Variants in MRPL14 observed in about 807,000 individuals in gnomAD.
The protein encoded by MRPL14 is mitochondrial ribosomal protein L14.
Under a neutral mutation model 10.9 loss-of-function variants are expected in MRPL14, and 8 were observed. That is an observed-to-expected ratio of 0.74 (90% CI 0.43 to 1.33). The LOEUF (loss-of-function observed/expected upper bound fraction) is 1.33. Ranked by LOEUF, MRPL14 falls within the 40% of genes most tolerant of loss-of-function variation. MRPL14 has a pLI of 0.01. For synonymous variants in MRPL14, 82 were observed against 74.1 expected, an observed-to-expected ratio of 1.11 and a Z score of -0.54; for missense variants, 179 against 194.5, an observed-to-expected ratio of 0.92 and a Z score of 0.47.
chr6:44,113,749 G>A lies in MRPL14; in HGVS notation c.*94C>T, dbSNP rs1775560365. On this transcript the variant is annotated 3_prime_UTR_variant, in exon 3 of 3. Coordinates refer to ENST00000372014, the MANE Select transcript of MRPL14 (RefSeq NM_032111.4). ...ACTACACTGTTACCCAGTGTGAAGG[G>A]AGCAGCCATGTGGCTCCCAAGCTCC... is the stretch of plus-strand genomic sequence containing the variant. 1.5e-6 allele frequency: 2 copies of A among 1,340,010 alleles called. No homozygotes were observed. The highest frequency in any genetic ancestry group is 1.0e-6 in the Non-Finnish European group (1 of 980,576). The allele number at this position is 1,340,010 out of a possible 1,614,324, so 83.0% of individuals were successfully genotyped here.
At chr6:44,118,823 G>A (rs760405374) in intron 1 of MRPL14, among the ~76,000 whole-genome samples, 1 of 152,120 alleles carries the variant, frequency 6.6e-6, no homozygotes, top group Non-Finnish European at 1.5e-5. Flanking sequence ...AATTAGCCAG[G>A]CGTGGTGGCA....
chr6:44,114,407 G>C (rs909039626), intron 2 of MRPL14, among the ~76,000 whole-genome samples, 198 bp from the exon 3 acceptor site: 1 of 152,194 alleles, frequency 6.6e-6, no homozygotes, highest in Admixed American at 6.5e-5. Context: ...ACAATTGAGA[G>C]CTTCTGCTGT....
chr6:44,120,201 C>A (rs754247801), intron 1 of MRPL14, among the ~76,000 whole-genome samples: 1 of 152,218 alleles, frequency 6.6e-6, no homozygotes, highest in Non-Finnish European at 1.5e-5. Flanking sequence ...TCAATTGCTA[C>A]CCCTCCTGAA....
intron 1 of MRPL14, among the ~76,000 whole-genome samples, chr6:44,122,089 C>CT (rs35413398): frequency 0.14 from 21,395 of 147,920 alleles, 1,625 homozygotes; most frequent in Admixed American, 0.2. Context: ...TCCCCCCCCT[C>CT]TTTTTTTTTT....
At chr6:44,123,246 C>T (rs1429018682) in intron 1 of MRPL14, among the ~76,000 whole-genome samples, 5 of 152,186 alleles carry the variant, frequency 3.3e-5, no homozygotes, top group African/African-American at 1.2e-4. Flanking sequence ...TTGATTGACT[C>T]GTCCAAGGTT....
At chr6:44,124,527 G>T (rs181692102) in intron 1 of MRPL14, among the ~76,000 whole-genome samples, 2 of 152,330 alleles carry the variant, frequency 1.3e-5, no homozygotes, top group African/African-American at 4.8e-5. Context: ...AGCACCATAG[G>T]TGCCTCTTTA....
chr6:44,114,122 C>T lies in MRPL14; in HGVS notation c.159G>A (p.Arg53=). The T allele has an allele frequency of 5.0e-6, 8 of 1,614,166 alleles. No homozygotes were observed. The highest frequency in any genetic ancestry group is 5.9e-6 in the Non-Finnish European group (7 of 1,180,042). ...NSALGNSPYH[R]APRCIHVYKK... Reference sequence around the variant, plus strand: ...TATAGACATGGATGCAGCGAGGAGCCCGATGGTATGGGCTGTTCCCCAGGG... The same window carrying T: ...TATAGACATGGATGCAGCGAGGAGCTCGATGGTATGGGCTGTTCCCCAGGG... Residue 53 remains arginine (R), a synonymous_variant, in exon 3 of 3, where the codon CGG becomes CGA. Transcript: ENST00000372014.
chr6:44,122,492 C>T (rs763352439), intron 1 of MRPL14, among the ~76,000 whole-genome samples: 1 of 152,148 alleles, frequency 6.6e-6, no homozygotes, highest in Non-Finnish European at 1.5e-5. Flanking sequence ...TTTTGAGGAT[C>T]AGCAAAATAT....
chr6:44,126,602 C>T (rs1381190281), intron 1 of MRPL14, among the ~76,000 whole-genome samples: 1 of 152,220 alleles, frequency 6.6e-6, no homozygotes, highest in Admixed American at 6.5e-5. Flanking sequence ...CTTTTAACCT[C>T]TTTATAAATT....
intron 2 of MRPL14, among the ~76,000 whole-genome samples, chr6:44,114,658 G>C (rs1775665785): frequency 6.6e-6 from 1 of 152,168 alleles, no homozygotes; most frequent in African/African-American, 2.4e-5. Context: ...GCCCAGGCTA[G>C]AGTGCGGTGG....
chr6:44,117,657 C>T (rs902651263), intron 1 of MRPL14, among the ~76,000 whole-genome samples: 1 of 151,952 alleles, frequency 6.6e-6, no homozygotes, highest in Non-Finnish European at 1.5e-5. Flanking sequence ...AATACCTAGA[C>T]ACTCCATACT....
intron 1 of MRPL14, among the ~76,000 whole-genome samples, chr6:44,117,060 A>G (rs751744498): frequency 1.3e-5 from 2 of 151,530 alleles, no homozygotes; most frequent in Non-Finnish European, 2.9e-5. Context: ...ACTCCCTAAA[A>G]GAAAGTAAAT....
chr6:44,123,671 G>A (rs1776661434), intron 1 of MRPL14, among the ~76,000 whole-genome samples: 1 of 152,162 alleles, frequency 6.6e-6, no homozygotes, highest in South Asian at 2.1e-4. Flanking sequence ...TAGGGTTCTT[G>A]TCCTATATTT....
chr6:44,114,352 G>C, intron 2 of MRPL14, 143 bp from the exon 3 acceptor site: 1 of 989,370 alleles, frequency 1.0e-6, no homozygotes, highest in Non-Finnish European at 1.5e-6. Context: ...GCAACAGAAA[G>C]TCAGGACTTT....
intron 1 of MRPL14, among the ~76,000 whole-genome samples, chr6:44,121,757 T>C (rs138539020): frequency 0.013 from 1,927 of 152,236 alleles, 21 homozygotes; most frequent in Non-Finnish European, 0.019. Flanking sequence ...CTGACCAACA[T>C]AGTGAAACCC....
At chr6:44,117,640 C>A (rs1172484529) in intron 1 of MRPL14, among the ~76,000 whole-genome samples, 1 of 152,122 alleles carries the variant, frequency 6.6e-6, no homozygotes, top group East Asian at 1.9e-4. Context: ...ATCCACTCCT[C>A]CCCAGGAATA....
At chr6:44,124,597 T>C (rs1460937626) in intron 1 of MRPL14, among the ~76,000 whole-genome samples, 3 of 152,246 alleles carry the variant, frequency 2.0e-5, no homozygotes, top group South Asian at 2.1e-4. Flanking sequence ...ACTTCCTCTC[T>C]TTTCTAAGAC....
At chr6:44,126,439 G>A (rs1022075815) in intron 1 of MRPL14, among the ~76,000 whole-genome samples, 1 of 152,204 alleles carries the variant, frequency 6.6e-6, no homozygotes, top group African/African-American at 2.4e-5. Context: ...GCATACAGCA[G>A]AGACGCTGAC....
chr6:44,116,529 G>C lies in MRPL14; in HGVS notation c.71+12C>G. On this transcript the variant is annotated intron_variant, in intron 2 of 2. Coordinates refer to ENST00000372014, the MANE Select transcript of MRPL14 (RefSeq NM_032111.4). ...AAAGACACAGTTTTAAGAACTTAATGGGAAAAGTTACCTGAAACAGTGATG... is the reference window on the plus strand; with the variant it reads ...AAAGACACAGTTTTAAGAACTTAATCGGAAAAGTTACCTGAAACAGTGATG... 6.2e-7 allele frequency: 1 copy of C among 1,613,720 alleles called. No homozygotes were observed. Among genetic ancestry groups the C allele is most frequent in the Admixed American group, 1.7e-5 (1 of 60,004 alleles).
Sources: gnomAD v4.1 joint callset for allele counts (sites outside exome capture counted in the v4.1 genomes callset) on GRCh38, gnomAD v4.1.1 for gene constraint, MANE v1.5 for transcripts, NCBI Gene and HGNC (gene_info 2026-07-23, HGNC 2026-07-21) for gene names.